The following R3HDM2 variants were observed in gnomAD, a reference collection of about 807,000 sequenced individuals.
R3HDM2 encodes the protein R3H domain-containing protein 2.
A neutral mutation model predicts 124.5 loss-of-function variants in R3HDM2; 38 were observed. That is an observed-to-expected ratio of 0.31 (90% CI 0.24 to 0.40). R3HDM2 has a LOEUF of 0.40. Among genes scored for constraint, R3HDM2 ranks in the 10% least tolerant of loss-of-function variants. The probability of loss-of-function intolerance (pLI) is 1.00; values close to 1 mark genes in which losing one functional copy is unlikely to be tolerated. For synonymous variants in R3HDM2, 391 were observed against 448.0 expected, an observed-to-expected ratio of 0.87 and a Z score of 1.61; for missense variants, 869 against 1,236.9, an observed-to-expected ratio of 0.70 and a Z score of 4.46.
Position 57,269,557 on chromosome 12 carries a change from G to T in R3HDM2, c.1588-108C>A, listed in dbSNP as rs1592506072. On this transcript the variant is annotated intron_variant, in intron 15 of 23. Transcript: ENST00000402412. ...TGATGGCCAGAAATATGTAAACGGA[G>T]ATATTTTGGACCTGCAATTGCAGTA... The T allele has an allele frequency of 2.7e-6, 4 of 1,490,804 alleles. No individual in the cohort carries two copies. The East Asian group carries it at 6.8e-5, about 25-fold the overall frequency. 92.3% of individuals were successfully genotyped at this position (1,490,804 alleles called of 1,614,324 possible). A position where few individuals can be genotyped will look rare whatever the true frequency, so the allele number is the denominator to read the frequency against.
At chr12:57,422,167 A>G (rs2070285708) in intron 1 of R3HDM2, among the ~76,000 whole-genome samples, 1 of 151,236 alleles carries the variant, frequency 6.6e-6, no homozygotes, top group Admixed American at 6.6e-5. Context: ...TTTAGACCCT[A>G]TTTCTTATCT....
chr12:57,295,463 G>A lies in R3HDM2; in HGVS notation c.746C>T (p.Thr249Ile). The change falls in exon 10 of 24, where the codon ACA (threonine) becomes ATA (isoleucine). Residue 249 changes from threonine to isoleucine, a missense_variant. Physicochemically the swap from Thr to Ile is moderately conservative, Grantham distance 89 (BLOSUM62 -1). Transcript: ENST00000402412. ...FSEHIKDEKN[T>I]EFQQRFILKR... Reference sequence around the variant, plus strand: ...GAGAATGAACCTCTGTTGAAATTCTGTATTCTTCTCATCCTTTATATGTTC... The same window carrying A: ...GAGAATGAACCTCTGTTGAAATTCTATATTCTTCTCATCCTTTATATGTTC... The A allele has an allele frequency of 6.4e-7, 1 of 1,551,732 alleles. No individual in the cohort carries two copies.
chr12:57,296,283 G>T lies in R3HDM2; in HGVS notation c.701+128C>A. Reference sequence around the variant, plus strand: ...TCTTCCCATCTTGGCCTCCCAAAGTGCTGGGATTACAGGTGTGAGCCACCA... The same window carrying T: ...TCTTCCCATCTTGGCCTCCCAAAGTTCTGGGATTACAGGTGTGAGCCACCA... On this transcript the variant is annotated intron_variant, in intron 9 of 23. Transcript: ENST00000402412. The surrounding 1 kb of genome is among the most constrained non-coding windows in gnomAD (Gnocchi z 4.5). 2 of 1,096,260 alleles carry T rather than the reference G, an allele frequency of 1.8e-6. No individual in the cohort carries two copies. The highest frequency in any genetic ancestry group is 1.3e-6 in the Non-Finnish European group (1 of 766,112). 67.9% of individuals were successfully genotyped at this position (1,096,260 alleles called of 1,614,324 possible).
intron 21 of R3HDM2, among the ~76,000 whole-genome samples, chr12:57,256,715 C>T (rs1427678293): frequency 6.6e-6 from 1 of 152,176 alleles, no homozygotes; most frequent in Non-Finnish European, 1.5e-5. Flanking sequence ...AATGGGACTA[C>T]TAGGTCCCAT....
Position 57,299,233 on chromosome 12 carries a change from A to C in R3HDM2, c.421+119T>G, listed in dbSNP as rs1018847660. The C allele has an allele frequency of 4.2e-6, 5 of 1,203,266 alleles. No homozygotes were observed. The African/African-American group carries it at 6.2e-5, about 15-fold the overall frequency. The allele number at this position is 1,203,266 out of a possible 1,614,324, so 74.5% of individuals were successfully genotyped here. A position where few individuals can be genotyped will look rare whatever the true frequency, so the allele number is the denominator to read the frequency against. The stretch of plus-strand genomic sequence containing the variant: ...AACCTCGTTAGGCATCTCCTCAAGC[A>C]ACCAAGTTAGCAGAACACTACAAAT... On this transcript the variant is annotated intron_variant, in intron 6 of 23. Transcript: ENST00000402412.
chr12:57,370,397 C>CGGGGGGG lies in R3HDM2; in HGVS notation c.-36+25345_-36+25351dup, dbSNP rs796109483. Among the ~76,000 whole-genome samples, 9 of 62,700 alleles carry CGGGGGGG rather than the reference C, an allele frequency of 1.4e-4. 2 individuals carry two copies. Among genetic ancestry groups the CGGGGGGG allele is most frequent in the African/African-American group, 5.4e-4 (7 of 12,876 alleles). The allele number at this position is 62,700 out of a possible 152,430, so 41.1% of individuals were successfully genotyped here. On this transcript the variant is annotated intron_variant, in intron 2 of 23. Transcript: ENST00000402412. ...TCTAATCACAGCACTTTGGGAGGCC[C>CGGGGGGG]GGGGGGGGGGGGCGGGGTGGATCAC...
intron 14 of R3HDM2, among the ~76,000 whole-genome samples, chr12:57,275,490 AC>A (rs2137657852): frequency 7.1e-6 from 1 of 140,820 alleles, no homozygotes; most frequent in South Asian, 2.5e-4. Context: ...AAACTAAAAA[AC>A]GTTTGCATGG....
chr12:57,396,810 C>T (rs886561603), intron 1 of R3HDM2, among the ~76,000 whole-genome samples: 3 of 149,346 alleles, frequency 2.0e-5, no homozygotes, highest in African/African-American at 2.5e-5. Flanking sequence ...GTCTAGGCTG[C>T]GCATGGTGGC....
chr12:57,327,537 T>G (rs1043450350), intron 2 of R3HDM2, among the ~76,000 whole-genome samples: 2 of 151,836 alleles, frequency 1.3e-5, no homozygotes, highest in African/African-American at 4.8e-5. Context: ...CTCTGATGGA[T>G]CTAGGCAAAG....
chr12:57,322,198 A>G (rs933011474), intron 2 of R3HDM2, among the ~76,000 whole-genome samples: 26 of 152,234 alleles, frequency 1.7e-4, no homozygotes, highest in African/African-American at 6.0e-4. Context: ...CCTGGGCAAC[A>G]GAGTGAGACT....
chr12:57,289,536 G>A (rs2048160266), intron 11 of R3HDM2, among the ~76,000 whole-genome samples: 2 of 152,192 alleles, frequency 1.3e-5, no homozygotes, highest in African/African-American at 4.8e-5. Context: ...ACCCAAGGAG[G>A]GTGGGATATT....
chr12:57,266,584 A>C, intron 19 of R3HDM2, 147 bp downstream of exon 19: 1 of 640,042 alleles, frequency 1.6e-6, no homozygotes, highest in Non-Finnish European at 2.8e-6. Context: ...AACACCAGCT[A>C]AGACTGTTTT....
chr12:57,417,209 G>A (rs1257287138), intron 1 of R3HDM2, among the ~76,000 whole-genome samples: 1 of 151,992 alleles, frequency 6.6e-6, no homozygotes, highest in Non-Finnish European at 1.5e-5. Flanking sequence ...TTTGAGACCA[G>A]CCTGACCAAC....
At chr12:57,421,377 C>T (rs370168335) in intron 1 of R3HDM2, among the ~76,000 whole-genome samples, 3 of 151,094 alleles carry the variant, frequency 2.0e-5, no homozygotes, top group East Asian at 1.9e-4. Flanking sequence ...CTCCAACTCC[C>T]GACCTCAGGT....
At chr12:57,430,671 C>A (rs2139797543) in intron 1 of R3HDM2, 49 bp downstream of exon 1, 1 of 844,808 alleles carries the variant, frequency 1.2e-6, no homozygotes, top group African/African-American at 1.8e-5. Context: ...CGCCCCCTCC[C>A]CACAGGCCGT....
In R3HDM2 at chr12:57,332,929, C is replaced by T. The variant is rs546171273; in HGVS notation, c.-35-22466G>A. 2.2e-4 allele frequency among the ~76,000 whole-genome samples: 34 copies of T among 152,282 alleles called. 1 individual carries two copies. The East Asian group carries it at 6.2e-3, about 28-fold the overall frequency. On this transcript the variant is annotated intron_variant, in intron 2 of 23. Coordinates refer to ENST00000402412, the MANE Select transcript of R3HDM2 (RefSeq NM_001394031.1). ...TTGGATATCGCTTTCAATCCTTTAGCTCTGTAAATACCTAAGTATGAGAAC... is the reference window on the plus strand; with the variant it reads ...TTGGATATCGCTTTCAATCCTTTAGTTCTGTAAATACCTAAGTATGAGAAC...
chr12:57,278,794 C>G (rs1344552856), intron 14 of R3HDM2, among the ~76,000 whole-genome samples: 2 of 152,134 alleles, frequency 1.3e-5, no homozygotes, highest in African/African-American at 4.8e-5. Context: ...CATTTAGACA[C>G]AAAGTAGGAT....
At chr12:57,289,500 CA>C (rs1462489756) in intron 11 of R3HDM2, among the ~76,000 whole-genome samples, 1 of 152,070 alleles carries the variant, frequency 6.6e-6, no homozygotes, top group Admixed American at 6.5e-5. Context: ...CTACATTGGC[CA>C]AAATGAAAGA....
intron 2 of R3HDM2, among the ~76,000 whole-genome samples, chr12:57,377,866 T>C (rs1407313489): frequency 6.6e-6 from 1 of 152,056 alleles, no homozygotes; most frequent in Non-Finnish European, 1.5e-5. Context: ...GGTGGGCGGA[T>C]TGCTTGAGGT....
Sources: gnomAD v4.1 joint callset for allele counts (sites outside exome capture counted in the v4.1 genomes callset) on GRCh38, gnomAD v4.1.1 for gene constraint, Gnocchi (gnomAD v3.1) non-coding constraint, MANE v1.5 for transcripts, NCBI Gene and HGNC (gene_info 2026-07-23, HGNC 2026-07-21) for gene names.